The following SHISA9 variants were observed in gnomAD, a reference collection of about 807,000 sequenced individuals.
SHISA9 encodes shisa family member 9, also known as protein shisa-9.
A neutral mutation model predicts 38.0 loss-of-function variants in SHISA9; 13 were observed. The observed-to-expected ratio is 0.34, with a 90% CI of 0.22 to 0.54. The LOEUF is 0.54. Ranked by LOEUF, SHISA9 falls within the 20% of genes least tolerant of loss-of-function variation. The probability of loss-of-function intolerance (pLI) is 0.91; values close to 1 mark genes in which losing one functional copy is unlikely to be tolerated. For synonymous variants in SHISA9, 275 were observed against 242.0 expected, an observed-to-expected ratio of 1.14 and a Z score of -1.27; for missense variants, 538 against 575.8, an observed-to-expected ratio of 0.93 and a Z score of 0.67.
At chr16:13,104,779 A>G (rs1038666682) in intron 2 of SHISA9, among the ~76,000 whole-genome samples, 4 of 152,204 alleles carry the variant, frequency 2.6e-5, no homozygotes, top group African/African-American at 9.6e-5. Context: ...GATAATCGAA[A>G]TTCTATACAT....
chr16:13,397,435 A>T, the SHISA9 span, among the ~76,000 whole-genome samples: 44,967 of 151,774 alleles, frequency 0.3, 7,850 homozygotes, highest in African/African-American at 0.5. Flanking sequence ...TTTGTTTGTT[A>T]GTTTGTTTTT....
the SHISA9 span, among the ~76,000 whole-genome samples, chr16:13,320,070 A>C: frequency 2.0e-5 from 3 of 151,982 alleles, no homozygotes; most frequent in Non-Finnish European, 4.4e-5. Flanking sequence ...AAGCGGGCAG[A>C]TCACGAGGTC....
intron 2 of SHISA9, among the ~76,000 whole-genome samples, chr16:13,183,871 T>C (rs1009815361): frequency 6.6e-6 from 1 of 152,206 alleles, no homozygotes; most frequent in African/African-American, 2.4e-5. Context: ...TTAGTGACCA[T>C]GGATTGGATG....
chr16:13,196,882 TC>T (rs1402526735), intron 2 of SHISA9, among the ~76,000 whole-genome samples: 2 of 152,170 alleles, frequency 1.3e-5, no homozygotes, highest in East Asian at 3.8e-4. Flanking sequence ...TCACCTGAGG[TC>T]AGGAGTTCAG....
chr16:13,055,236 A>T (rs905804467), intron 2 of SHISA9, among the ~76,000 whole-genome samples: 2 of 152,220 alleles, frequency 1.3e-5, no homozygotes, highest in Non-Finnish European at 2.9e-5. Flanking sequence ...TCACAGAGAA[A>T]GTAAGTGATT....
rs564933262 is a variant in SHISA9, at chr16:13,210,698, G to A, written c.848-2555G>A. ...GCAGAAAGGGGGCTCACATCACTGA[G>A]CTCATAAACAGCACACCTCTGAGGG... On this transcript the variant is annotated intron_variant, in intron 3 of 4. Coordinates refer to ENST00000558583, the MANE Select transcript of SHISA9 (RefSeq NM_001145204.3). Among the ~76,000 whole-genome samples the A allele has an allele frequency of 1.3e-3, 196 of 152,312 alleles. 1 individual carries two copies. The highest frequency in any genetic ancestry group is 4.6e-3 in the African/African-American group (190 of 41,570).
At chr16:13,331,806 T>G in the SHISA9 span, 1 of 152,216 alleles carries the variant, frequency 6.6e-6, no homozygotes. Context: ...GTCCTTGGTT[T>G]CCTATCTGGA....
chr16:13,006,840 C>T (rs886071047), intron 2 of SHISA9, among the ~76,000 whole-genome samples: 1 of 152,176 alleles, frequency 6.6e-6, no homozygotes, highest in East Asian at 1.9e-4. Flanking sequence ...TCCCCCGTCC[C>T]CCACCCTTGG....
chr16:13,191,602 T>C (rs2050886027), intron 2 of SHISA9, among the ~76,000 whole-genome samples: 1 of 152,224 alleles, frequency 6.6e-6, no homozygotes, highest in Non-Finnish European at 1.5e-5. Flanking sequence ...ATATAGGCTT[T>C]ATAAGACACC....
chr16:13,058,086 C>A lies in SHISA9; in HGVS notation c.691+141271C>A, dbSNP rs570598063. ...ATGGATGGAGAGCAGTTTCCACATA[C>A]AAGCATGCCAATCTTGCTCCCTAGA... On this transcript the variant is annotated intron_variant, in intron 2 of 4. Coordinates refer to ENST00000558583, the MANE Select transcript of SHISA9 (RefSeq NM_001145204.3). Among the ~76,000 whole-genome samples the A allele has an allele frequency of 2.0e-5, 3 of 152,308 alleles. No individual in the cohort carries two copies. The East Asian group carries it at 5.8e-4, about 29-fold the overall frequency.
chr16:13,252,238 A>G, the SHISA9 span, among the ~76,000 whole-genome samples: 6 of 152,044 alleles, frequency 3.9e-5, no homozygotes, highest in Non-Finnish European at 7.4e-5. Flanking sequence ...CTGTTCCTCA[A>G]ATGCCCCAAG....
At chr16:13,217,752 G>A (rs1045588580) in intron 4 of SHISA9, among the ~76,000 whole-genome samples, 6 of 152,154 alleles carry the variant, frequency 3.9e-5, no homozygotes, top group African/African-American at 7.2e-5. Flanking sequence ...TCACTAGGCC[G>A]GGCGTGGTGG....
chr16:13,110,494 T>A (rs1180001129), intron 2 of SHISA9, among the ~76,000 whole-genome samples: 1 of 152,226 alleles, frequency 6.6e-6, no homozygotes, highest in African/African-American at 2.4e-5. Flanking sequence ...TGCTCCCTGT[T>A]TCTCTGGGAC....
rs138372043 is a variant in SHISA9 at position 13,172,618 on chromosome 16, G to A, written c.692-30776G>A. On this transcript the variant is annotated intron_variant, in intron 2 of 4. Coordinates refer to ENST00000558583, the MANE Select transcript of SHISA9 (RefSeq NM_001145204.3). ...ACCATTTCACCATCACCTTCGTGCT[G>A]GCAAGAAGAGCCGTCGTTGAGTCTT... Among the ~76,000 whole-genome samples, 477 of 152,226 alleles carry A rather than the reference G, an allele frequency of 3.1e-3. 3 individuals carry two copies. Among genetic ancestry groups the A allele is most frequent in the African/African-American group, 0.011 (438 of 41,524 alleles).
the SHISA9 span, among the ~76,000 whole-genome samples, chr16:13,271,290 T>G: frequency 7.2e-5 from 11 of 152,158 alleles, no homozygotes; most frequent in Admixed American, 5.2e-4. Flanking sequence ...GTTCCCTGGT[T>G]TGTAGAATCA....
the SHISA9 span, among the ~76,000 whole-genome samples, chr16:13,365,623 A>G: frequency 2.0e-5 from 3 of 151,692 alleles, no homozygotes; most frequent in Non-Finnish European, 4.4e-5. Context: ...CGCCTGGCTA[A>G]TTTTTTTATA....
chr16:13,472,083 C>A, the SHISA9 span, among the ~76,000 whole-genome samples: 1 of 152,122 alleles, frequency 6.6e-6, no homozygotes, highest in African/African-American at 2.4e-5. Context: ...AAAAGGAGAG[C>A]TTAGTGCTGT....
the SHISA9 span, among the ~76,000 whole-genome samples, chr16:13,467,628 C>T: frequency 1.3e-5 from 2 of 152,170 alleles, no homozygotes; most frequent in African/African-American, 2.4e-5. Context: ...TTCCATCTCT[C>T]GGAAGAACCC....
intron 3 of SHISA9, among the ~76,000 whole-genome samples, chr16:13,209,420 C>G (rs1567249469): frequency 6.6e-6 from 1 of 152,222 alleles, no homozygotes; most frequent in Non-Finnish European, 1.5e-5. Flanking sequence ...CTTTTCTAAG[C>G]TGTCCTAAGG....
Sources: allele counts gnomAD v4.1 joint callset (sites outside exome capture counted in the v4.1 genomes callset), GRCh38; gene constraint gnomAD v4.1.1; transcripts MANE v1.5; gene names NCBI Gene and HGNC (gene_info 2026-07-23, HGNC 2026-07-21).